The following PTPN12 variants were observed in gnomAD, a reference collection of about 807,000 sequenced individuals.
The protein encoded by PTPN12 is tyrosine-protein phosphatase non-receptor type 12.
PTPN12 carries 29 observed loss-of-function variants against 97.6 expected under a neutral mutation model. The ratio of observed to expected loss-of-function variants is 0.30; its 90% CI spans 0.22 to 0.41. PTPN12 has a LOEUF of 0.41. Among genes scored for constraint, PTPN12 ranks in the 10% least tolerant of loss-of-function variants. The pLI, the probability that PTPN12 is intolerant of heterozygous loss-of-function variation, is 1.00. For synonymous variants in PTPN12, 327 were observed against 300.4 expected, an observed-to-expected ratio of 1.09 and a Z score of -0.91; for missense variants, 819 against 926.0, an observed-to-expected ratio of 0.88 and a Z score of 1.50.
chr7:77,598,246 A>C (rs367731432), intron 7 of PTPN12, among the ~76,000 whole-genome samples: 2 of 151,942 alleles, frequency 1.3e-5, no homozygotes, highest in East Asian at 3.9e-4. Flanking sequence ...CAAAGAGAAG[A>C]CATAGAGAGG....
intron 1 of PTPN12, among the ~76,000 whole-genome samples, chr7:77,557,411 T>A (rs1268176455): frequency 2.0e-5 from 3 of 152,230 alleles, no homozygotes; most frequent in Non-Finnish European, 4.4e-5. Context: ...CTTCTGTCTC[T>A]CCAGTTTGGG....
chr7:77,549,826 C>T (rs1200991172), intron 1 of PTPN12, among the ~76,000 whole-genome samples: 1 of 152,098 alleles, frequency 6.6e-6, no homozygotes. Flanking sequence ...AGCAATCCTT[C>T]CATCTTGGCT....
intron 12 of PTPN12, among the ~76,000 whole-genome samples, chr7:77,626,454 G>T (rs898424417): frequency 3.3e-5 from 5 of 152,164 alleles, no homozygotes; most frequent in Non-Finnish European, 7.4e-5. Flanking sequence ...GTTGAAAGTT[G>T]ATGCCTCTGG....
intron 13 of PTPN12, among the ~76,000 whole-genome samples, chr7:77,630,504 C>T (rs1789361788): frequency 6.6e-6 from 1 of 152,134 alleles, no homozygotes; most frequent in Non-Finnish European, 1.5e-5. Context: ...ACTTGTATAG[C>T]ATATTACCAT....
chr7:77,603,355 T>C (rs1384443453), intron 8 of PTPN12, among the ~76,000 whole-genome samples: 1 of 152,248 alleles, frequency 6.6e-6, no homozygotes, highest in Non-Finnish European at 1.5e-5. Context: ...GTACGTTAAC[T>C]GTAAGGACTT....
At chr7:77,622,995 A>G (rs1788998588) in intron 12 of PTPN12, among the ~76,000 whole-genome samples, 3 of 149,454 alleles carry the variant, frequency 2.0e-5, no homozygotes, top group African/African-American at 5.0e-5. Context: ...AAAGGAGAGT[A>G]GGGAAGAAGA....
intron 14 of PTPN12, among the ~76,000 whole-genome samples, chr7:77,635,300 G>A (rs1364131573): frequency 6.6e-6 from 1 of 152,158 alleles, no homozygotes; most frequent in African/African-American, 2.4e-5. Flanking sequence ...GAGGTGGCAT[G>A]CACCTATAGT....
At chr7:77,572,156 G>A (rs1457136383) in intron 2 of PTPN12, among the ~76,000 whole-genome samples, 8 of 150,998 alleles carry the variant, frequency 5.3e-5, no homozygotes, top group Admixed American at 5.3e-4. Context: ...GTGCGGTGGT[G>A]GGATCTTGGC....
At chr7:77,574,459 G>A (rs1297110529) in intron 2 of PTPN12, among the ~76,000 whole-genome samples, 2 of 152,152 alleles carry the variant, frequency 1.3e-5, no homozygotes, top group African/African-American at 4.8e-5. Context: ...AATATTGTGG[G>A]GTAAGAATTT....
chr7:77,595,483 T>G (rs1385837809), intron 6 of PTPN12, among the ~76,000 whole-genome samples: 1 of 152,196 alleles, frequency 6.6e-6, no homozygotes, highest in East Asian at 1.9e-4. Flanking sequence ...TTGCCACATG[T>G]AAGCACTTAG....
intron 13 of PTPN12, among the ~76,000 whole-genome samples, chr7:77,629,355 C>T (rs1223500024): frequency 6.6e-6 from 1 of 152,148 alleles, no homozygotes; most frequent in Admixed American, 6.5e-5. Flanking sequence ...TATAATATTA[C>T]TTTACCAGTT....
At chr7:77,634,178 A>AGC (rs2151407405) in intron 14 of PTPN12, among the ~76,000 whole-genome samples, 1 of 67,188 alleles carries the variant, frequency 1.5e-5, no homozygotes, top group Admixed American at 1.9e-4. Flanking sequence ...CCAGTTTGGT[A>AGC]ACAGTGAGAC....
chr7:77,601,986 A>G lies in PTPN12; in HGVS notation c.695+1180A>G, dbSNP rs2151361415. 2.0e-5 allele frequency among the ~76,000 whole-genome samples: 3 copies of G among 152,340 alleles called. No homozygotes were observed. In the East Asian group the frequency reaches 5.8e-4, roughly 29 times the overall value. On this transcript the variant is annotated intron_variant, in intron 8 of 17. Transcript: ENST00000248594. ...CTAGTTAAGCTACCTCTGAATGTGA[A>G]AGGACAAGTATAGGTGCACCTACTT...
intron 1 of PTPN12, among the ~76,000 whole-genome samples, chr7:77,561,602 A>C (rs182076485): frequency 9.2e-5 from 14 of 152,098 alleles, no homozygotes; most frequent in African/African-American, 3.1e-4. Flanking sequence ...TTCCTGTGCT[A>C]TATTTGTTTT....
intron 1 of PTPN12, among the ~76,000 whole-genome samples, chr7:77,562,550 T>C (rs541557704): frequency 6.6e-6 from 1 of 152,286 alleles, no homozygotes; most frequent in South Asian, 2.1e-4. Context: ...AGTTTTAATA[T>C]CTAGATTTTG....
intron 5 of PTPN12, among the ~76,000 whole-genome samples, chr7:77,591,919 G>C (rs1176336689): frequency 6.6e-6 from 1 of 152,114 alleles, no homozygotes; most frequent in African/African-American, 2.4e-5. Flanking sequence ...AGGATCTTTG[G>C]TCTACTCTGT....
intron 1 of PTPN12, among the ~76,000 whole-genome samples, chr7:77,556,231 T>G (rs2151304369): frequency 6.6e-6 from 1 of 152,082 alleles, no homozygotes; most frequent in Non-Finnish European, 1.5e-5. Flanking sequence ...TGGCTAAGTT[T>G]TCATATTTTT....
intron 12 of PTPN12, among the ~76,000 whole-genome samples, chr7:77,622,107 A>G (rs1788960743): frequency 6.6e-6 from 1 of 152,080 alleles, no homozygotes; most frequent in Admixed American, 6.5e-5. Context: ...GACACACACC[A>G]CCATGCCTGG....
At chr7:77,576,043 A>G (rs866442336) in intron 2 of PTPN12, among the ~76,000 whole-genome samples, 1 of 152,040 alleles carries the variant, frequency 6.6e-6, no homozygotes, top group Non-Finnish European at 1.5e-5. Context: ...TTTAGTAGAT[A>G]CAGGGTTTCA....
Sources: allele counts gnomAD v4.1 joint callset (sites outside exome capture counted in the v4.1 genomes callset), GRCh38; gene constraint gnomAD v4.1.1; transcripts MANE v1.5; gene names NCBI Gene and HGNC (gene_info 2026-07-23, HGNC 2026-07-21).